PPP2R3A: variants seen among roughly 807,000 people sequenced by gnomAD.
The protein encoded by PPP2R3A is protein phosphatase 2 regulatory subunit B''alpha.
In PPP2R3A, 80 loss-of-function variants were observed where a neutral mutation model predicts 106.9. The ratio of observed to expected loss-of-function variants is 0.75; its 90% CI spans 0.62 to 0.90. PPP2R3A has a LOEUF of 0.90. PPP2R3A is among the 40% of genes least tolerant of loss of function. The pLI is 0.00. For synonymous variants in PPP2R3A, 483 were observed against 468.3 expected (o/e 1.03, Z -0.41); for missense variants, 1,386 against 1,350.4 (o/e 1.03, Z -0.41).
chr3:136,105,346 C>A (rs1022932381), intron 12 of PPP2R3A, among the ~76,000 whole-genome samples: 1 of 152,170 alleles, frequency 6.6e-6, no homozygotes, highest in Non-Finnish European at 1.5e-5. Flanking sequence ...AGTAGACTTA[C>A]CAGGTGCTAT....
intron 4 of PPP2R3A, among the ~76,000 whole-genome samples, chr3:136,043,864 A>C (rs1173219576): frequency 6.6e-6 from 1 of 152,180 alleles, no homozygotes; most frequent in Non-Finnish European, 1.5e-5. Flanking sequence ...TTTAGCTTTC[A>C]TGACTTTTAT....
chr3:136,024,808 T>C (rs911954280), intron 2 of PPP2R3A, among the ~76,000 whole-genome samples: 2 of 152,144 alleles, frequency 1.3e-5, no homozygotes, highest in African/African-American at 2.4e-5. Flanking sequence ...ATGACACTAA[T>C]ATAAATGGTC....
intron 10 of PPP2R3A, among the ~76,000 whole-genome samples, chr3:136,100,823 A>G (rs1039200249): frequency 1.4e-4 from 21 of 152,166 alleles, no homozygotes; most frequent in African/African-American, 5.1e-4. Context: ...GTGAGACCCC[A>G]TCTCTAAAGT....
intron 1 of PPP2R3A, among the ~76,000 whole-genome samples, chr3:135,966,933 C>A (rs2107739636): frequency 6.6e-6 from 1 of 152,022 alleles, no homozygotes; most frequent in South Asian, 2.1e-4. Context: ...TAAGAATTGC[C>A]ATACTAGGTC....
chr3:136,066,282 T>G (rs1210092728), intron 5 of PPP2R3A, among the ~76,000 whole-genome samples: 1 of 152,166 alleles, frequency 6.6e-6, no homozygotes, highest in Non-Finnish European at 1.5e-5. Context: ...TCAAACTCCT[T>G]TTATGAAGCA....
intron 1 of PPP2R3A, among the ~76,000 whole-genome samples, chr3:135,985,405 T>TCTCTCG (rs1253374858): frequency 5.4e-5 from 8 of 148,108 alleles, no homozygotes; most frequent in African/African-American, 2.0e-4. Context: ...TCTCCCTCTC[T>TCTCTCG]CTCTCGCTCT....
chr3:136,048,364 A>T lies in PPP2R3A; in HGVS notation c.2367-895A>T, dbSNP rs138469127. 1.8e-4 allele frequency among the ~76,000 whole-genome samples: 28 copies of T among 152,258 alleles called. No individual in the cohort carries two copies. The East Asian group carries it at 2.9e-3, about 16-fold the overall frequency. ...AGGATCAGATTCTGGAGGCCCTTCT[A>T]TGTCAGGTCAAGAAGCTAGGACTTT... On this transcript the variant is annotated intron_variant, in intron 4 of 13. Coordinates refer to ENST00000264977, the MANE Select transcript of PPP2R3A (RefSeq NM_002718.5).
chr3:136,025,561 CTT>C (rs1378103348), intron 2 of PPP2R3A, among the ~76,000 whole-genome samples: 16 of 151,988 alleles, frequency 1.1e-4, no homozygotes, highest in Non-Finnish European at 1.8e-4. Context: ...AATCTTATCT[CTT>C]TATAAAACTC....
chr3:136,050,450 T>TA (rs1344704223), intron 5 of PPP2R3A, among the ~76,000 whole-genome samples: 48 of 152,310 alleles, frequency 3.2e-4, no homozygotes, highest in African/African-American at 1.1e-3. Context: ...TCTGAGGTCT[T>TA]ACACGGTACC....
intron 2 of PPP2R3A, among the ~76,000 whole-genome samples, chr3:136,009,740 G>T (rs2107799358): frequency 6.6e-6 from 1 of 152,264 alleles, no homozygotes; most frequent in South Asian, 2.1e-4. Flanking sequence ...TCTGATGCAT[G>T]ATTATGCTTG....
chr3:135,973,966 T>C (rs1000022693), intron 1 of PPP2R3A, among the ~76,000 whole-genome samples: 4 of 152,176 alleles, frequency 2.6e-5, no homozygotes, highest in African/African-American at 9.6e-5. Flanking sequence ...ATCAGGCCCC[T>C]TCCCCCACTG....
chr3:136,124,038 AT>A (rs1938093228), intron 13 of PPP2R3A, among the ~76,000 whole-genome samples: 1 of 152,208 alleles, frequency 6.6e-6, no homozygotes, highest in Non-Finnish European at 1.5e-5. Flanking sequence ...TAATATAAAT[AT>A]GTTGTTTGAT....
chr3:136,017,887 C>G (rs1415782882), intron 2 of PPP2R3A, among the ~76,000 whole-genome samples: 1 of 152,222 alleles, frequency 6.6e-6, no homozygotes, highest in Admixed American at 6.5e-5. Flanking sequence ...CTTTCCTACT[C>G]TAAGGCCTTA....
intron 1 of PPP2R3A, among the ~76,000 whole-genome samples, chr3:135,970,887 A>G (rs1202698819): frequency 6.6e-6 from 1 of 152,138 alleles, no homozygotes; most frequent in East Asian, 1.9e-4. Flanking sequence ...AAATTTTGCC[A>G]GGACTGTTGA....
chr3:136,054,159 T>C (rs1935776467), intron 5 of PPP2R3A, among the ~76,000 whole-genome samples: 1 of 151,950 alleles, frequency 6.6e-6, no homozygotes, highest in African/African-American at 2.4e-5. Context: ...ATTTTAAAAA[T>C]GTGAATTATA....
At position 136,041,250 on chromosome 3, in the gene PPP2R3A, G is replaced by GTTTTTTTTTTTTTTTTTTTTTTTTTTT. The variant is rs1246326384; in HGVS notation, c.2366+299_2366+300insTTTTTTTTTTTTTTTTTTTTTTTTTTT. 2.5e-4 allele frequency among the ~76,000 whole-genome samples: 14 copies of GTTTTTTTTTTTTTTTTTTTTTTTTTTT among 56,584 alleles called. 3 individuals carry two copies. Among genetic ancestry groups the GTTTTTTTTTTTTTTTTTTTTTTTTTTT allele is most frequent in the African/African-American group, 5.3e-4 (9 of 16,876 alleles). 37.1% of individuals were successfully genotyped at this position (56,584 alleles called of 152,430 possible). Reference sequence around the variant, plus strand: ...CTTGGTTTTTCTTGTTTTTTTTTTTGTTTTTTTTTTTGTTTTTTTTTTTTT... The same window carrying GTTTTTTTTTTTTTTTTTTTTTTTTTTT: ...CTTGGTTTTTCTTGTTTTTTTTTTTGTTTTTTTTTTTTTTTTTTTTTTTTTTTTTTTTTTTTTTGTTTTTTTTTTTTT... On this transcript the variant is annotated intron_variant, in intron 4 of 13. Transcript: ENST00000264977.
chr3:136,117,072 G>C (rs1366912133), intron 13 of PPP2R3A, among the ~76,000 whole-genome samples: 2 of 152,044 alleles, frequency 1.3e-5, no homozygotes, highest in Non-Finnish European at 2.9e-5. Flanking sequence ...TTAGAACTCG[G>C]GATTAAGAAA....
At position 136,102,252 on chromosome 3, in the gene PPP2R3A, G is replaced by T. The variant is rs1937381886; in HGVS notation, c.3103+70G>T. 2.0e-6 allele frequency: 3 copies of T among 1,488,120 alleles called. No individual in the cohort carries two copies. In the Middle Eastern group the frequency reaches 7.5e-4, roughly 373 times the overall value. The allele number at this position is 1,488,120 out of a possible 1,614,324, so 92.2% of individuals were successfully genotyped here. A position where few individuals can be genotyped will look rare whatever the true frequency, so the allele number is the denominator to read the frequency against. On this transcript the variant is annotated intron_variant, in intron 11 of 13. Transcript: ENST00000264977. ...AGAGGAGGGCAAAGAATCCTAGATT[G>T]TCCTAAATTATTTAACATTTCAGAG...
intron 2 of PPP2R3A, among the ~76,000 whole-genome samples, chr3:136,008,577 G>C (rs1933928513): frequency 6.6e-6 from 1 of 152,146 alleles, no homozygotes; most frequent in Admixed American, 6.5e-5. Context: ...AGATATATAT[G>C]TACTGATGTA....
Sources: gnomAD v4.1 joint callset for allele counts (sites outside exome capture counted in the v4.1 genomes callset) on GRCh38, gnomAD v4.1.1 for gene constraint, MANE v1.5 for transcripts, NCBI Gene and HGNC (gene_info 2026-07-23, HGNC 2026-07-21) for gene names.